CDH26: variants seen among roughly 807,000 people sequenced by gnomAD.
CDH26 encodes the protein cadherin-like protein 26.
CDH26 carries 83 observed loss-of-function variants against 90.3 expected under a neutral mutation model. That is an observed-to-expected ratio of 0.92 (90% CI 0.77 to 1.10). CDH26 has a LOEUF of 1.10. CDH26 is among the 50% of genes least tolerant of loss of function. The pLI, the probability that CDH26 is intolerant of heterozygous loss-of-function variation, is 0.00. For synonymous variants in CDH26, 397 were observed against 396.3 expected (o/e 1.00, Z -0.02); for missense variants, 1,013 against 1,037.6 (o/e 0.98, Z 0.33).
At chr20:60,032,314 A>C (rs541776686) in intron 8 of CDH26, among the ~76,000 whole-genome samples, 22 of 152,324 alleles carry the variant, frequency 1.4e-4, no homozygotes, top group African/African-American at 5.0e-4. Context: ...CACAGTGGCT[A>C]TTAAATTCTA....
intron 5 of CDH26, 109 bp downstream of exon 5, chr20:59,983,179 T>C: frequency 2.3e-6 from 3 of 1,285,082 alleles, no homozygotes; most frequent in Non-Finnish European, 3.2e-6. Flanking sequence ...GAGTTTTTAC[T>C]GTTCACATCT....
intron 12 of CDH26, 198 bp from the exon 13 acceptor site, chr20:59,996,433 A>T: frequency 1.3e-6 from 2 of 1,580,186 alleles, no homozygotes; most frequent in African/African-American, 1.3e-5. Flanking sequence ...AGTATTATTG[A>T]TTAATTCAAC....
chr20:59,986,616 TACACACACACACACAC>T lies in CDH26; in HGVS notation c.838-808_838-793del, dbSNP rs3043440. On this transcript the variant is annotated intron_variant, in intron 7 of 17. Transcript: ENST00000348616. ...GTTTTATTTATTTTATAAATCCCCCTACACACACACACACACACACACACACACACACACACACACA... is the reference window on the plus strand; with the variant it reads ...GTTTTATTTATTTTATAAATCCCCCTACACACACACACACACACACACACA... Among the ~76,000 whole-genome samples, 318 of 136,858 alleles carry T rather than the reference TACACACACACACACAC, an allele frequency of 2.3e-3. 1 individual carries two copies. Among genetic ancestry groups the T allele is most frequent in the Non-Finnish European group, 2.2e-3 (140 of 62,688 alleles). The allele number at this position is 136,858 out of a possible 152,430, so 89.8% of individuals were successfully genotyped here. A position where few individuals can be genotyped will look rare whatever the true frequency, so the allele number is the denominator to read the frequency against.
intron 12 of CDH26, chr20:59,996,391 T>A: frequency 3.4e-6 from 5 of 1,481,904 alleles, no homozygotes; most frequent in Non-Finnish European, 4.5e-6. Flanking sequence ...AAGCAGCTTT[T>A]CCAAGAAACA....
chr20:60,017,821 C>T (rs928598471), downstream of CDH26, among the ~76,000 whole-genome samples: 17 of 151,980 alleles, frequency 1.1e-4, no homozygotes, highest in African/African-American at 3.9e-4. Flanking sequence ...CTTTTATTTG[C>T]CTCAAGGAAT....
At chr20:60,035,876 C>T (rs1373807013), downstream of CDH26, among the ~76,000 whole-genome samples, 7 of 151,882 alleles carry the variant, frequency 4.6e-5, no homozygotes, top group South Asian at 6.2e-4. Context: ...GTAAGTTTCC[C>T]GAGGCCTCCC....
At chr20:59,987,782 G>T in intron 8 of CDH26, 144 bp downstream of exon 8, 1 of 606,454 alleles carries the variant, frequency 1.6e-6, no homozygotes. Context: ...ACCAGGCAAG[G>T]AAGGCAGGGT....
In CDH26 at chr20:59,984,994, C is replaced by A; in HGVS notation, c.709-7C>A. 1 of 1,613,624 alleles carries A rather than the reference C, an allele frequency of 6.2e-7. No homozygotes were observed. Among genetic ancestry groups the A allele is most frequent in the South Asian group, 1.1e-5 (1 of 91,004 alleles). On this transcript the variant is annotated splice_region_variant and splice_polypyrimidine_tract_variant and intron_variant, in intron 6 of 17. Coordinates refer to ENST00000348616, the MANE Select transcript of CDH26 (RefSeq NM_177980.4). ...AGGGGCTTAACTTTCCTTTTCCTCC[C>A]ACATAGACCGCTCCTCAGTTTACAC...
At chr20:59,996,220 G>A in intron 12 of CDH26, 166 bp downstream of exon 12, 1 of 969,280 alleles carries the variant, frequency 1.0e-6, no homozygotes, top group South Asian at 1.8e-5. Context: ...ATCAGAGGTT[G>A]CCATGCTGGC....
downstream of CDH26, among the ~76,000 whole-genome samples, chr20:60,015,324 C>G (rs2061895940): frequency 6.6e-6 from 1 of 152,292 alleles, no homozygotes; most frequent in Admixed American, 6.5e-5. Flanking sequence ...AGTAGCTATC[C>G]TAACTGGGAT....
At chr20:60,015,015 C>A (rs1002356318), downstream of CDH26, among the ~76,000 whole-genome samples, 4 of 152,200 alleles carry the variant, frequency 2.6e-5, no homozygotes, top group Admixed American at 2.6e-4. Flanking sequence ...CAAAGTCTCA[C>A]TTTATTGCCC....
intron 4 of CDH26, among the ~76,000 whole-genome samples, chr20:59,974,239 G>C (rs1358066308): frequency 1.3e-5 from 2 of 151,742 alleles, no homozygotes; most frequent in Non-Finnish European, 2.9e-5. Flanking sequence ...TTTTTAATGG[G>C]GTTTTTTTTC....
Position 60,008,151 on chromosome 20 carries a change from T to G in CDH26, c.2295+1364T>G, listed in dbSNP as rs149807832. Among the ~76,000 whole-genome samples, 987 of 152,294 alleles carry G rather than the reference T, an allele frequency of 6.5e-3. 15 individuals are homozygous for G. The highest frequency in any genetic ancestry group is 0.027 in the Admixed American group (416 of 15,308). ...TTGCAGGGCAGTGGGAACTCAGGCCTATGGAATGATAAGCACAAAGGAAGA... is the reference window on the plus strand; with the variant it reads ...TTGCAGGGCAGTGGGAACTCAGGCCGATGGAATGATAAGCACAAAGGAAGA... On this transcript the variant is annotated intron_variant, in intron 17 of 17. Coordinates refer to ENST00000348616, the MANE Select transcript of CDH26 (RefSeq NM_177980.4).
chr20:60,012,930 TA>T lies in CDH26; in HGVS notation c.*201del. The T allele has an allele frequency of 5.9e-6, 3 of 508,160 alleles. No homozygotes were observed. 31.5% of individuals were successfully genotyped at this position (508,160 alleles called of 1,614,324 possible). On this transcript the variant is annotated 3_prime_UTR_variant, in exon 18 of 18. Transcript: ENST00000348616. Reference sequence around the variant, plus strand: ...CTTGAACCAAAGCAAAACCACAAGTTACACTTTCTTAAAATTTGATTTGTCA... The same window carrying T: ...CTTGAACCAAAGCAAAACCACAAGTTCACTTTCTTAAAATTTGATTTGTCA...
chr20:59,989,291 G>A lies in CDH26; in HGVS notation c.1283+128G>A. The A allele has an allele frequency of 4.2e-6, 5 of 1,182,072 alleles. No homozygotes were observed. In the South Asian group the frequency reaches 4.4e-5, roughly 10 times the overall value. 73.2% of individuals were successfully genotyped at this position (1,182,072 alleles called of 1,614,324 possible). The stretch of plus-strand genomic sequence containing the variant: ...CGCCTGTAATCCCAGCGCTTTGGGA[G>A]GCCGAGGCGGGTGGATCATGAGGTC... On this transcript the variant is annotated intron_variant, in intron 9 of 17. Coordinates refer to ENST00000348616, the MANE Select transcript of CDH26 (RefSeq NM_177980.4).
intron 12 of CDH26, 113 bp from the exon 13 acceptor site, chr20:59,996,518 A>C: frequency 6.2e-7 from 1 of 1,613,784 alleles, no homozygotes; most frequent in Non-Finnish European, 8.5e-7. Flanking sequence ...CTAAGACGCA[A>C]TTTGGCCTTG....
In CDH26 at chr20:59,996,737, G is replaced by A. The variant is rs761867643; in HGVS notation, c.1995G>A (p.Ala665=). 7.2e-5 allele frequency: 117 copies of A among 1,614,230 alleles called. No individual in the cohort carries two copies. Among genetic ancestry groups the A allele is most frequent in the Middle Eastern group, 4.9e-4 (3 of 6,062 alleles). ...ACCAAACACTGGTCATGTATAATGCGGAGAGCAAAGGCACTTCAGCCCAGG... is the reference window on the plus strand; with the variant it reads ...ACCAAACACTGGTCATGTATAATGCAGAGAGCAAAGGCACTTCAGCCCAGG... ...EGHQTLVMYN[A]ESKGTSAQTW... The change falls in exon 13 of 18, where the codon GCG becomes GCA. Residue 665 remains alanine (A), a synonymous_variant. Coordinates refer to ENST00000348616, the MANE Select transcript of CDH26 (RefSeq NM_177980.4).
downstream of CDH26, among the ~76,000 whole-genome samples, chr20:60,016,028 G>A (rs1235120476): frequency 6.6e-6 from 1 of 152,132 alleles, no homozygotes. Context: ...TTATAGTTTT[G>A]TAGTATATTT....
At chr20:60,002,892 T>G in intron 16 of CDH26, 26 bp downstream of exon 16, 1 of 1,491,716 alleles carries the variant, frequency 6.7e-7, no homozygotes, top group Non-Finnish European at 9.1e-7. Context: ...GGTGTTACCG[T>G]GAACAAATTT....
Sources: allele counts gnomAD v4.1 joint callset (sites outside exome capture counted in the v4.1 genomes callset), GRCh38; gene constraint gnomAD v4.1.1; transcripts MANE v1.5; gene names NCBI Gene and HGNC (gene_info 2026-07-23, HGNC 2026-07-21).